CYP4F11: variants seen among roughly 807,000 people sequenced by gnomAD.
The protein encoded by CYP4F11 is cytochrome P450 4F11.
Under a neutral mutation model 62.2 loss-of-function variants are expected in CYP4F11, and 79 were observed. The ratio of observed to expected loss-of-function variants is 1.27; its 90% confidence interval spans 1.06 to 1.53. The LOEUF (loss-of-function observed/expected upper bound fraction) is 1.53. Ranked by LOEUF, CYP4F11 falls within the 40% of genes most tolerant of loss-of-function variation. CYP4F11 has a pLI of 0.00. For missense variants in CYP4F11, 777 were observed against 680.5 expected, an observed-to-expected ratio of 1.14 and a Z score of -1.58; for synonymous variants, 290 against 263.7, an observed-to-expected ratio of 1.10 and a Z score of -0.97.
chr19:15,914,840 A>G lies in CYP4F11; in HGVS notation c.1171T>C (p.Leu391=). 1.9e-6 allele frequency: 3 copies of G among 1,614,136 alleles called. No homozygotes were observed. Among genetic ancestry groups the G allele is most frequent in the Non-Finnish European group, 2.5e-6 (3 of 1,180,022 alleles). The change falls in exon 9 of 12, where the codon TTG becomes CTG. Residue 391 remains leucine (L), a synonymous_variant. Coordinates refer to ENST00000402119, the MANE Select transcript of CYP4F11 (RefSeq NM_021187.4). The stretch of plus-strand genomic sequence containing the variant: ...GAGATGACCGGGACTGGGGGATGCA[A>G]CCGCAGGCTCTCCTTAATGCACATG... The part of the protein sequence containing the change: ...LTMCIKESLR[L]HPPVPVISRC...
chr19:15,924,772 GC>G lies in CYP4F11; in HGVS notation c.635del (p.Ser212ThrfsTer21), dbSNP rs2089656013. ...SLQKCVFSFE[S>X]NCQEKPSEYI... ...AGGAAAGGACTCACTCCTGACAATT[GC>G]TTTCAAAGCTGAAGACACATTTCTG... On this transcript the variant is annotated frameshift_variant, in exon 5 of 12. Coordinates refer to ENST00000402119, the MANE Select transcript of CYP4F11 (RefSeq NM_021187.4). LOFTEE classifies it high-confidence loss of function. The G allele has an allele frequency of 6.2e-7, 1 of 1,611,262 alleles. No homozygotes were observed. Among genetic ancestry groups the G allele is most frequent in the African/African-American group, 1.3e-5 (1 of 74,826 alleles).
intron 4 of CYP4F11, among the ~76,000 whole-genome samples, chr19:15,926,726 C>G (rs1374469634): frequency 6.6e-6 from 1 of 152,148 alleles, no homozygotes. Context: ...CCAGGTCAGC[C>G]TAAAGCTAGC....
intron 5 of CYP4F11, among the ~76,000 whole-genome samples, chr19:15,924,533 G>A (rs1252523518): frequency 6.6e-6 from 1 of 152,146 alleles, no homozygotes; most frequent in Non-Finnish European, 1.5e-5. Flanking sequence ...TCCTGATAAA[G>A]TTCATGCCAC....
chr19:15,934,081 C>CGGGCAGAGGAATGAGTGAG (rs2089755376), intron 1 of CYP4F11, 130 bp downstream of exon 1: 1 of 821,470 alleles, frequency 1.2e-6, no homozygotes, highest in Non-Finnish European at 1.9e-6. Flanking sequence ...AATGAGTGAG[C>CGGGCAGAGGAATGAGTGAG]TGCCTCCCTC....
In CYP4F11 at chr19:15,931,631, AATGAGTGAGCGAGGAGAG is replaced by A. The variant is rs1568257564; in HGVS notation, c.199-2048_199-2031del. On this transcript the variant is annotated intron_variant, in intron 1 of 11. Transcript: ENST00000402119. ...AGAGGAATGAGTGAGCGAGGAGAGG[AATGAGTGAGCGAGGAGAG>A]GAATGAGTGAGCGAGGAGAGGAATG... Among the ~76,000 whole-genome samples, 4 of 69,438 alleles carry A rather than the reference AATGAGTGAGCGAGGAGAG, an allele frequency of 5.8e-5. 1 individual carries two copies. Among genetic ancestry groups the A allele is most frequent in the Non-Finnish European group, 1.1e-4 (4 of 37,304 alleles). 45.6% of individuals were successfully genotyped at this position (69,438 alleles called of 152,430 possible).
chr19:15,913,157 AAGC>A lies in CYP4F11; in HGVS notation c.*572_*574del, dbSNP rs1269714734. On this transcript the variant is annotated 3_prime_UTR_variant, in exon 12 of 12. Coordinates refer to ENST00000402119, the MANE Select transcript of CYP4F11 (RefSeq NM_021187.4). The stretch of plus-strand genomic sequence containing the variant: ...CGCAGCAGAGCCAGGACTTGAGCCC[AAGC>A]AGTCTGGCTCCAGATCCTATGCCTC... The A allele has an allele frequency of 6.3e-6, 1 of 158,870 alleles. No individual in the cohort carries two copies. The highest frequency in any genetic ancestry group is 1.4e-5 in the Non-Finnish European group (1 of 71,374). The allele number at this position is 158,870 out of a possible 1,614,324, so 9.8% of individuals were successfully genotyped here.
At chr19:15,921,555 G>T (rs895980067) in intron 8 of CYP4F11, among the ~76,000 whole-genome samples, 3 of 152,220 alleles carry the variant, frequency 2.0e-5, no homozygotes, top group Admixed American at 2.0e-4. Flanking sequence ...ATACAAAACT[G>T]GGGATAGGAA....
At chr19:15,931,556 GTGAGCGAGGAGAGGAA>G (rs2089719257) in intron 1 of CYP4F11, among the ~76,000 whole-genome samples, 8 of 110,742 alleles carry the variant, frequency 7.2e-5, no homozygotes, top group South Asian at 2.9e-4. Flanking sequence ...AGAGGAATGA[GTGAGCGAGGAGAGGAA>G]TGAGTGAGCG....
At chr19:15,925,698 A>G (rs971278658) in intron 4 of CYP4F11, among the ~76,000 whole-genome samples, 2 of 142,310 alleles carry the variant, frequency 1.4e-5, no homozygotes, top group African/African-American at 5.2e-5. Flanking sequence ...GTGTATATAT[A>G]TATACACACA....
At chr19:15,914,475 G>C in intron 10 of CYP4F11, 88 bp from the exon 11 acceptor site, 1 of 1,555,656 alleles carries the variant, frequency 6.4e-7, no homozygotes, top group South Asian at 1.1e-5. Context: ...CGGCCTTGGA[G>C]AGACATTTTG....
rs1021481131 is a variant in CYP4F11 at position 15,931,532 on chromosome 19, A to G, written c.199-1931T>C. 4.1e-4 allele frequency among the ~76,000 whole-genome samples: 43 copies of G among 103,984 alleles called. 2 individuals carry two copies. Among genetic ancestry groups the G allele is most frequent in the Non-Finnish European group, 6.3e-4 (29 of 45,886 alleles). 68.2% of individuals were successfully genotyped at this position (103,984 alleles called of 152,430 possible). A position where few individuals can be genotyped will look rare whatever the true frequency, so the allele number is the denominator to read the frequency against. On this transcript the variant is annotated intron_variant, in intron 1 of 11. Transcript: ENST00000402119. ...AGACTTGGGATGGCACATCAGAGGA[A>G]TGAGTGAGCGGGGAGAGGAATGAGT... is the stretch of plus-strand genomic sequence containing the variant.
chr19:15,934,398 A>AGCT lies in CYP4F11; in HGVS notation c.8_10dup (p.Gln3dup). The AGCT allele has an allele frequency of 1.9e-6, 3 of 1,613,206 alleles. No homozygotes were observed. Among genetic ancestry groups the AGCT allele is most frequent in the Non-Finnish European group, 2.5e-6 (3 of 1,179,642 alleles). ...CCCGAGGCCCAGCCAGGACAGGCTCAGCTGCGGCATCCTGCAGGGCAGACG... is the reference window on the plus strand; with the variant it reads ...CCCGAGGCCCAGCCAGGACAGGCTCAGCTGCTGCGGCATCCTGCAGGGCAGACG... On this transcript the variant is annotated inframe_insertion, in exon 1 of 12. Transcript: ENST00000402119.
At chr19:15,926,882 A>G (rs895527028) in intron 4 of CYP4F11, among the ~76,000 whole-genome samples, 5 of 105,994 alleles carry the variant, frequency 4.7e-5, no homozygotes, top group Non-Finnish European at 6.6e-5. Context: ...AGTATAATAA[A>G]CCCTTATTGC....
At chr19:15,927,607 G>A (rs1388610779) in intron 2 of CYP4F11, 124 bp from the exon 3 acceptor site, 3 of 1,324,976 alleles carry the variant, frequency 2.3e-6, no homozygotes, top group Non-Finnish European at 3.2e-6. Context: ...GCAGGAAGAA[G>A]GCCAAGGGTA....
intron 8 of CYP4F11, among the ~76,000 whole-genome samples, chr19:15,916,963 A>T (rs148303963): frequency 1.3e-5 from 2 of 152,340 alleles, no homozygotes; most frequent in African/African-American, 4.8e-5. Flanking sequence ...TGAAAAAGAC[A>T]CATGCACACG....
rs748788167 is a variant in CYP4F11, at chr19:15,914,617, C to T, written c.1299G>A (p.Val433=). The T allele has an allele frequency of 6.2e-7, 1 of 1,614,192 alleles. No homozygotes were observed. The highest frequency in any genetic ancestry group is 2.2e-5 in the East Asian group (1 of 44,890). The change falls in exon 10 of 12, where the codon GTG becomes GTA. Residue 433 remains valine (V), a synonymous_variant. Transcript: ENST00000402119. ...NIIGIHYNPT[V]WPDPEVYDPF... ...GAGGCACTACCTCAGGGTCTGGCCA[C>T]ACAGTTGGGTTGTAATGGATCCCGA...
At chr19:15,914,491 T>A (rs1030580054) in intron 10 of CYP4F11, 104 bp from the exon 11 acceptor site, 1 of 1,545,166 alleles carries the variant, frequency 6.5e-7, no homozygotes, top group African/African-American at 1.4e-5. Context: ...TTTTGGCAGA[T>A]GTGTCTCCAT....
intron 8 of CYP4F11, among the ~76,000 whole-genome samples, chr19:15,916,900 C>T (rs1243607002): frequency 6.6e-6 from 1 of 152,074 alleles, no homozygotes; most frequent in Non-Finnish European, 1.5e-5. Context: ...TCTACTATTC[C>T]ATCCAACAAT....
At position 15,914,849 on chromosome 19, in the gene CYP4F11, T is replaced by C. The variant is rs780274514; in HGVS notation, c.1162A>G (p.Ser388Gly). 1.9e-6 allele frequency: 3 copies of C among 1,614,002 alleles called. No homozygotes were observed. The highest frequency in any genetic ancestry group is 1.3e-5 in the African/African-American group (1 of 74,964). Residue 388 changes from serine to glycine, a missense_variant, in exon 9 of 12, where the codon AGC becomes GGC. Physicochemically the swap from Ser to Gly is moderately conservative, Grantham distance 56. Transcript: ENST00000402119. ...LPFLTMCIKE[S>G]LRLHPPVPVI... Reference sequence around the variant, plus strand: ...GGGACTGGGGGATGCAACCGCAGGCTCTCCTTAATGCACATGGTCAGGAAG... The same window carrying C: ...GGGACTGGGGGATGCAACCGCAGGCCCTCCTTAATGCACATGGTCAGGAAG...
Sources: allele counts gnomAD v4.1 joint callset (sites outside exome capture counted in the v4.1 genomes callset), GRCh38; gene constraint gnomAD v4.1.1; transcripts MANE v1.5; gene names NCBI Gene and HGNC (gene_info 2026-07-23, HGNC 2026-07-21).